SNX30: variants seen among roughly 807,000 people sequenced by gnomAD.
The protein encoded by SNX30 is sorting nexin family member 30.
A neutral mutation model predicts 46.4 loss-of-function variants in SNX30; 24 were observed. The ratio of observed to expected loss-of-function variants is 0.52; its 90% CI spans 0.37 to 0.73. The LOEUF is 0.73. Among genes scored for constraint, SNX30 ranks in the 30% least tolerant of loss-of-function variants. The pLI, the probability that SNX30 is intolerant of heterozygous loss-of-function variation, is 0.00. For missense variants in SNX30, 533 were observed against 555.7 expected, an observed-to-expected ratio of 0.96 and a Z score of 0.41; for synonymous variants, 189 against 211.5, an observed-to-expected ratio of 0.89 and a Z score of 0.92.
chr9:112,807,052 C>CTTTTTTTTTTTTTTTTTTT (rs10554051), intron 2 of SNX30, among the ~76,000 whole-genome samples: 2 of 63,006 alleles, frequency 3.2e-5, no homozygotes, highest in Non-Finnish European at 5.3e-5. Flanking sequence ...TCTTTTCTAT[C>CTTTTTTTTTTTTTTTTTTT]TTTTTTTTTT....
downstream of SNX30, chr9:112,885,430 A>G (rs1005624860): frequency 5.2e-5 from 4 of 76,686 alleles, no homozygotes; most frequent in Non-Finnish European, 9.9e-5. Context: ...GTGTGTATAT[A>G]TATATATGTG....
chr9:112,751,350 G>C (rs1306404324), intron 1 of SNX30, among the ~76,000 whole-genome samples, 193 bp downstream of exon 1: 1 of 152,188 alleles, frequency 6.6e-6, no homozygotes, highest in African/African-American at 2.4e-5. Context: ...GCCGCAGAGG[G>C]ACAGGCTTCG....
intron 3 of SNX30, among the ~76,000 whole-genome samples, chr9:112,830,095 A>G (rs1840638005): frequency 6.6e-6 from 1 of 152,232 alleles, no homozygotes; most frequent in East Asian, 1.9e-4. Flanking sequence ...CTTGGTAGGC[A>G]GGTAGTTTTA....
chr9:112,865,152 C>T (rs1373554129), intron 8 of SNX30, among the ~76,000 whole-genome samples: 1 of 133,408 alleles, frequency 7.5e-6, no homozygotes, highest in Non-Finnish European at 1.6e-5. Flanking sequence ...CCCACATACA[C>T]ACCCCACACA....
chr9:112,820,434 G>A (rs1840473875), intron 3 of SNX30, among the ~76,000 whole-genome samples: 1 of 152,244 alleles, frequency 6.6e-6, no homozygotes, highest in East Asian at 1.9e-4. Context: ...GGGATGAGAA[G>A]GTTATAAGGA....
chr9:112,749,795 T>C (rs1477171923), upstream of SNX30, among the ~76,000 whole-genome samples: 1 of 152,250 alleles, frequency 6.6e-6, no homozygotes, highest in African/African-American at 2.4e-5. Flanking sequence ...CAGGTAAGGC[T>C]AGGCAAACCT....
intron 1 of SNX30, among the ~76,000 whole-genome samples, chr9:112,757,212 T>A (rs1282861862): frequency 6.6e-6 from 1 of 152,254 alleles, no homozygotes; most frequent in Non-Finnish European, 1.5e-5. Flanking sequence ...TGAATTTTTT[T>A]AAAGATTCCA....
chr9:112,827,315 A>G (rs1588129635), intron 3 of SNX30, among the ~76,000 whole-genome samples: 1 of 152,224 alleles, frequency 6.6e-6, no homozygotes, highest in Admixed American at 6.5e-5. Flanking sequence ...AGTTGATGCT[A>G]TTAGTTTTTA....
intron 3 of SNX30, among the ~76,000 whole-genome samples, chr9:112,822,659 C>T (rs948330314): frequency 2.6e-5 from 4 of 151,446 alleles, no homozygotes; most frequent in African/African-American, 7.3e-5. Context: ...ACAGTCATTC[C>T]CCCTTATTTG....
chr9:112,837,679 G>A (rs1008474011), intron 5 of SNX30, among the ~76,000 whole-genome samples: 6 of 151,690 alleles, frequency 4.0e-5, no homozygotes, highest in African/African-American at 1.5e-4. Flanking sequence ...GTTTCACCAT[G>A]TTAGTCAGGA....
chr9:112,785,286 G>A (rs1291114145), intron 1 of SNX30, among the ~76,000 whole-genome samples: 1 of 151,914 alleles, frequency 6.6e-6, no homozygotes, highest in South Asian at 2.1e-4. Context: ...TGTGATCACA[G>A]CTCCCTGCAG....
intron 2 of SNX30, among the ~76,000 whole-genome samples, chr9:112,807,846 A>G (rs904759327): frequency 2.0e-5 from 3 of 152,100 alleles, no homozygotes; most frequent in Non-Finnish European, 2.9e-5. Context: ...CTGTGTTCTT[A>G]TTTCTATCCC....
intron 1 of SNX30, among the ~76,000 whole-genome samples, chr9:112,764,374 G>A (rs1222626107): frequency 6.6e-6 from 1 of 152,154 alleles, no homozygotes; most frequent in African/African-American, 2.4e-5. Context: ...GTTTGTCGTC[G>A]TTGTTGTTGT....
chr9:112,785,374 C>A (rs954022826), intron 1 of SNX30, among the ~76,000 whole-genome samples: 1 of 128,536 alleles, frequency 7.8e-6, no homozygotes, highest in Admixed American at 9.3e-5. Context: ...TACTACCATG[C>A]CTGGCTAAGT....
Position 112,750,848 on chromosome 9 carries a change from A to C in SNX30, c.-154A>C. On this transcript the variant is annotated 5_prime_UTR_variant, in exon 1 of 9. Coordinates refer to ENST00000374232, the MANE Select transcript of SNX30 (RefSeq NM_001012994.2). ...GCGGAGCGTCTGAGCGCCGGCAGAG[A>C]CCAGCCGGCGGGTGGCGGCGGCCCC... 2 of 575,044 alleles carry C rather than the reference A, an allele frequency of 3.5e-6. No individual in the cohort carries two copies. Among genetic ancestry groups the C allele is most frequent in the Non-Finnish European group, 4.5e-6 (2 of 448,738 alleles). The allele number at this position is 575,044 out of a possible 1,614,324, so 35.6% of individuals were successfully genotyped here.
At chr9:112,807,778 A>G (rs958552469) in intron 2 of SNX30, among the ~76,000 whole-genome samples, 1 of 152,176 alleles carries the variant, frequency 6.6e-6, no homozygotes. Flanking sequence ...CTAACGCGCA[A>G]CTGCAACTCA....
intron 3 of SNX30, among the ~76,000 whole-genome samples, chr9:112,818,519 C>T (rs1447476756): frequency 1.3e-5 from 2 of 152,184 alleles, no homozygotes; most frequent in Admixed American, 6.5e-5. Context: ...TGTGAGCCAC[C>T]GTGCCTGGCC....
intron 1 of SNX30, among the ~76,000 whole-genome samples, chr9:112,771,008 TAAAC>T (rs776401367): frequency 2.7e-4 from 41 of 152,054 alleles, no homozygotes; most frequent in South Asian, 4.2e-4. Context: ...AACAAACAAA[TAAAC>T]AAACAAACAA....
chr9:112,753,952 C>T (rs1057397836), intron 1 of SNX30, among the ~76,000 whole-genome samples: 1 of 152,232 alleles, frequency 6.6e-6, no homozygotes, highest in Non-Finnish European at 1.5e-5. Flanking sequence ...TGGCTTTCTC[C>T]TACCTCAGCA....
Sources: gnomAD v4.1 joint callset for allele counts (sites outside exome capture counted in the v4.1 genomes callset) on GRCh38, gnomAD v4.1.1 for gene constraint, MANE v1.5 for transcripts, NCBI Gene and HGNC (gene_info 2026-07-23, HGNC 2026-07-21) for gene names.